The following CNTFR variants were observed in gnomAD, a reference collection of about 807,000 sequenced individuals.
CNTFR encodes ciliary neurotrophic factor receptor subunit alpha.
A neutral mutation model predicts 40.4 loss-of-function variants in CNTFR; 12 were observed. The observed-to-expected ratio is 0.30, with a 90% CI of 0.19 to 0.48. CNTFR has a LOEUF of 0.48. Ranked by LOEUF, CNTFR falls within the 20% of genes least tolerant of loss-of-function variation. The pLI, the probability that CNTFR is intolerant of heterozygous loss-of-function variation, is 0.99. For synonymous variants in CNTFR, 202 were observed against 209.6 expected, an observed-to-expected ratio of 0.96 and a Z score of 0.31; for missense variants, 414 against 506.8, an observed-to-expected ratio of 0.82 and a Z score of 1.76.
intron 4 of CNTFR, among the ~76,000 whole-genome samples, chr9:34,559,617 G>A (rs917090659): frequency 1.3e-5 from 2 of 152,236 alleles, no homozygotes; most frequent in African/African-American, 2.4e-5. Flanking sequence ...ACTCTGCCTG[G>A]GGGTGGGGTG....
In CNTFR at chr9:34,574,120, C is replaced by A. The variant is rs566930956; in HGVS notation, c.1-5139G>T. Reference sequence around the variant, plus strand: ...GTGGGGGCGGGGGCAGAGGCCTGAGCGGTCCAGAGGCTTGGGGGGTGGGGG... The same window carrying A: ...GTGGGGGCGGGGGCAGAGGCCTGAGAGGTCCAGAGGCTTGGGGGGTGGGGG... On this transcript the variant is annotated intron_variant, in intron 2 of 9. Coordinates refer to ENST00000378980, the MANE Select transcript of CNTFR (RefSeq NM_147164.3). Among the ~76,000 whole-genome samples, 5 of 140,764 alleles carry A rather than the reference C, an allele frequency of 3.6e-5. No individual in the cohort carries two copies. In the South Asian group the frequency reaches 1.1e-3, roughly 31 times the overall value. 92.3% of individuals were successfully genotyped at this position (140,764 alleles called of 152,430 possible).
In CNTFR at chr9:34,587,040, C is replaced by T. The variant is rs1042343449; in HGVS notation, c.-112+2515G>A. Among the ~76,000 whole-genome samples the T allele has an allele frequency of 5.3e-5, 8 of 152,190 alleles. 1 individual carries two copies. Among genetic ancestry groups the T allele is most frequent in the African/African-American group, 9.7e-5 (4 of 41,450 alleles). On this transcript the variant is annotated intron_variant, in intron 1 of 9. Coordinates refer to ENST00000378980, the MANE Select transcript of CNTFR (RefSeq NM_147164.3). ...CAGTGTGAGTTTAATCTAAGTGTCA[C>T]GGTCTAATGTCCATCTAAGTGTGAA... is the stretch of plus-strand genomic sequence containing the variant.
chr9:34,562,429 CA>C (rs988060649), intron 4 of CNTFR, among the ~76,000 whole-genome samples: 1 of 151,610 alleles, frequency 6.6e-6, no homozygotes, highest in South Asian at 2.1e-4. Flanking sequence ...AAACAATAAC[CA>C]AAAAAAAGGC....
chr9:34,564,617 C>G lies in CNTFR; in HGVS notation c.301G>C (p.Val101Leu). Residue 101 changes from valine (V) to leucine (L), a missense_variant, in exon 4 of 10, where the codon GTC (valine) becomes CTC (leucine). This residue lies in a region of CNTFR where 250 missense variants were observed against 269.5 expected (regional missense o/e 0.93). Transcript: ENST00000378980. ...HRDSWHLRHQ[V>L]LLHVGLPPRE... ...CACTTACAGCCCACATGCAGCAGGA[C>G]TTGGTGGCGCAGGTGCCAGGAGTCA... 1 of 1,611,446 alleles carries G rather than the reference C, an allele frequency of 6.2e-7. No individual in the cohort carries two copies. Among genetic ancestry groups the G allele is most frequent in the South Asian group, 1.1e-5 (1 of 90,462 alleles).
intron 6 of CNTFR, among the ~76,000 whole-genome samples, chr9:34,556,621 CTAA>C (rs1317845535): frequency 1.3e-5 from 2 of 152,184 alleles, no homozygotes; most frequent in Non-Finnish European, 2.9e-5. Flanking sequence ...CCCATCATCA[CTAA>C]TGACTGTCAC....
chr9:34,578,237 G>T (rs955693683), intron 2 of CNTFR, among the ~76,000 whole-genome samples: 1 of 152,220 alleles, frequency 6.6e-6, no homozygotes, highest in Admixed American at 6.5e-5. Flanking sequence ...CAAGCGGGCC[G>T]GGAGGAGGGG....
chr9:34,552,434 G>T lies in CNTFR; in HGVS notation c.950-105C>A. 1.6e-6 allele frequency: 2 copies of T among 1,260,116 alleles called. No individual in the cohort carries two copies. Among genetic ancestry groups the T allele is most frequent in the South Asian group, 1.5e-5 (1 of 67,170 alleles). The allele number at this position is 1,260,116 out of a possible 1,614,324, so 78.1% of individuals were successfully genotyped here. On this transcript the variant is annotated intron_variant, in intron 8 of 9. Coordinates refer to ENST00000378980, the MANE Select transcript of CNTFR (RefSeq NM_147164.3). The surrounding 1 kb of genome is among the most constrained non-coding windows in gnomAD (Gnocchi z 5.1). ...CTGCTTCCTGCATCAGACTGGTACTGCCTCCCCCATCAGGCAGATCCTGTT... is the reference window on the plus strand; with the variant it reads ...CTGCTTCCTGCATCAGACTGGTACTTCCTCCCCCATCAGGCAGATCCTGTT...
chr9:34,570,492 G>A (rs748178318), intron 2 of CNTFR, among the ~76,000 whole-genome samples: 3 of 152,148 alleles, frequency 2.0e-5, no homozygotes, highest in Admixed American at 6.5e-5. Flanking sequence ...CAGAGAAACC[G>A]TCTGACACAC....
chr9:34,571,024 T>C (rs557224356), intron 2 of CNTFR, among the ~76,000 whole-genome samples: 1 of 152,264 alleles, frequency 6.6e-6, no homozygotes, highest in South Asian at 2.1e-4. Context: ...GTGTCCTAAG[T>C]GGCCCCAGCT....
chr9:34,554,636 A>C (rs1077962), intron 7 of CNTFR, among the ~76,000 whole-genome samples: 1 of 152,178 alleles, frequency 6.6e-6, no homozygotes, highest in South Asian at 2.1e-4. Context: ...GCTGGGTCCC[A>C]GTACTTGCCT....
chr9:34,586,051 C>T (rs925661568), intron 1 of CNTFR, among the ~76,000 whole-genome samples: 1 of 152,148 alleles, frequency 6.6e-6, no homozygotes, highest in Non-Finnish European at 1.5e-5. Flanking sequence ...TTGGGAGGGA[C>T]CGCAGGGCCA....
intron 4 of CNTFR, among the ~76,000 whole-genome samples, chr9:34,560,569 T>C (rs1826027649): frequency 6.6e-6 from 1 of 152,234 alleles, no homozygotes; most frequent in African/African-American, 2.4e-5. Context: ...TGAATGTATT[T>C]TGCAAACTGT....
rs1371089536 is a variant in CNTFR at position 34,552,316 on chromosome 9, G to C, written c.963C>G (p.Ser321Arg). ...GTGGGGGTGCCAGGGAGCTGGTGGTGCTGGTCGTGGTCTCTGGGGAACATG... is the reference window on the plus strand; with the variant it reads ...GTGGGGGTGCCAGGGAGCTGGTGGTCCTGGTCGTGGTCTCTGGGGAACATG... ...TEAQAAETTT[S>R]TTSSLAPPPT... Residue 321 changes from serine (S) to arginine (R), a missense_variant, in exon 9 of 10, where the codon AGC becomes AGG. Around this residue, in one of 3 missense-constraint regions of CNTFR, gnomAD observed 81 missense variants for 92.2 expected, o/e 0.88. Transcript: ENST00000378980. The surrounding 1 kb of genome is among the most constrained non-coding windows in gnomAD (Gnocchi z 5.1). 3.2e-6 allele frequency: 5 copies of C among 1,538,918 alleles called. No homozygotes were observed. Among genetic ancestry groups the C allele is most frequent in the Non-Finnish European group, 4.4e-6 (5 of 1,147,040 alleles).
intron 7 of CNTFR, among the ~76,000 whole-genome samples, chr9:34,553,122 AAGG>A (rs1409296822): frequency 6.6e-6 from 1 of 152,132 alleles, no homozygotes; most frequent in Non-Finnish European, 1.5e-5. Context: ...AGGGGAGAAT[AAGG>A]AGGTCTTTGC....
chr9:34,559,081 T>C (rs1825963400), intron 4 of CNTFR, among the ~76,000 whole-genome samples: 1 of 152,120 alleles, frequency 6.6e-6, no homozygotes. Flanking sequence ...ACCTCCCTCC[T>C]GTGCCTCCCC....
chr9:34,579,319 C>T (rs556778182), intron 2 of CNTFR, among the ~76,000 whole-genome samples: 23 of 152,122 alleles, frequency 1.5e-4, no homozygotes, highest in Non-Finnish European at 2.9e-4. Flanking sequence ...TCCCTCCCTC[C>T]GCCTAATGCG....
chr9:34,561,294 C>T (rs1012483970), intron 4 of CNTFR, among the ~76,000 whole-genome samples: 1 of 152,198 alleles, frequency 6.6e-6, no homozygotes, highest in African/African-American at 2.4e-5. Flanking sequence ...AACCAGGGGA[C>T]CCAGAGCTTC....
chr9:34,573,359 C>T (rs1292726664), intron 2 of CNTFR, among the ~76,000 whole-genome samples: 1 of 152,124 alleles, frequency 6.6e-6, no homozygotes, highest in Non-Finnish European at 1.5e-5. Flanking sequence ...ATTGTGTGTG[C>T]GGGTTGATCT....
At chr9:34,574,897 G>A (rs1297341293) in intron 2 of CNTFR, among the ~76,000 whole-genome samples, 8 of 152,216 alleles carry the variant, frequency 5.3e-5, no homozygotes, top group Admixed American at 6.5e-5. Context: ...GGGCCTGGCT[G>A]GGCAGCTGGG....
Sources: allele counts gnomAD v4.1 joint callset (sites outside exome capture counted in the v4.1 genomes callset), GRCh38; gene constraint gnomAD v4.1.1; regional missense constraint gnomAD v4.1.1; non-coding constraint Gnocchi (gnomAD v3.1); transcripts MANE v1.5; gene names NCBI Gene and HGNC (gene_info 2026-07-23, HGNC 2026-07-21).